TNNI3K: variants seen among roughly 807,000 people sequenced by gnomAD.
TNNI3K encodes the protein serine/threonine-protein kinase TNNI3K.
In TNNI3K, 140 loss-of-function variants were observed where a neutral mutation model predicts 114.5. The observed-to-expected ratio is 1.22, with a 90% CI of 1.07 to 1.41. The LOEUF (loss-of-function observed/expected upper bound fraction) is 1.41. TNNI3K is among the 40% of genes most tolerant of loss of function. The pLI is 0.00. For synonymous variants in TNNI3K, 347 were observed against 347.5 expected (o/e 1.00, Z 0.02); for missense variants, 1,125 against 1,007.6 (o/e 1.12, Z -1.58).
intron 17 of TNNI3K, chr1:74,371,444 T>C (rs1200575449): frequency 6.6e-6 from 1 of 151,808 alleles, no homozygotes; most frequent in Admixed American, 6.6e-5. Flanking sequence ...TACAAAAATT[T>C]CAGGAACAAG....
chr1:74,314,045 T>TTATATA (rs201922658), intron 5 of TNNI3K, among the ~76,000 whole-genome samples: 11 of 6,340 alleles, frequency 1.7e-3, no homozygotes, highest in African/African-American at 2.3e-3. Flanking sequence ...AGAAAGTTCA[T>TTATATA]TATATATATA....
At chr1:74,241,021 T>TG (rs1326029000) in intron 2 of TNNI3K, among the ~76,000 whole-genome samples, 2 of 147,934 alleles carry the variant, frequency 1.4e-5, no homozygotes, top group Non-Finnish European at 3.0e-5. Context: ...GGACATGCGG[T>TG]GTTTGGTTTT....
Position 74,235,455 on chromosome 1 carries a change from G to C in TNNI3K, c.4G>C (p.Gly2Arg). 1 of 1,517,314 alleles carries C rather than the reference G, an allele frequency of 6.6e-7. No homozygotes were observed. Among genetic ancestry groups the C allele is most frequent in the Non-Finnish European group, 9.0e-7 (1 of 1,110,882 alleles). The allele number at this position is 1,517,314 out of a possible 1,614,324, so 94.0% of individuals were successfully genotyped here. M[G>R]NYKSRPTQTC... The stretch of plus-strand genomic sequence containing the variant: ...GAAAGGAAGAAACTTATAATAAATG[G>C]GAAATTATAAATCTAGACCAACCCA... Residue 2 changes from glycine to arginine, a missense_variant, in exon 1 of 25, where the codon GGA becomes CGA. Physicochemically the swap from Gly to Arg is moderately radical, Grantham distance 125. Transcript: ENST00000326637.
At chr1:74,493,783 G>C (rs1669195357) in intron 23 of TNNI3K, among the ~76,000 whole-genome samples, 1 of 152,158 alleles carries the variant, frequency 6.6e-6, no homozygotes, top group Non-Finnish European at 1.5e-5. Flanking sequence ...AGTAACTCAA[G>C]AGGACAAGCC....
At chr1:74,266,714 G>A (rs2100883290) in intron 4 of TNNI3K, among the ~76,000 whole-genome samples, 2 of 152,024 alleles carry the variant, frequency 1.3e-5, no homozygotes, top group South Asian at 4.2e-4. Flanking sequence ...GTGATATAGT[G>A]GTTGCTTATC....
intron 17 of TNNI3K, among the ~76,000 whole-genome samples, chr1:74,413,549 T>C (rs1664985740): frequency 6.6e-6 from 1 of 152,216 alleles, no homozygotes; most frequent in Non-Finnish European, 1.5e-5. Context: ...TGATATCTTC[T>C]GATAAAATGT....
intron 20 of TNNI3K, among the ~76,000 whole-genome samples, chr1:74,445,616 T>TC (rs1181135613): frequency 7.0e-5 from 10 of 142,410 alleles, no homozygotes; most frequent in Admixed American, 2.1e-4. Context: ...TTTTTTCTTT[T>TC]TTTCTTTTTT....
chr1:74,246,582 A>T (rs192302846), intron 2 of TNNI3K, among the ~76,000 whole-genome samples: 2 of 152,212 alleles, frequency 1.3e-5, no homozygotes, highest in Non-Finnish European at 2.9e-5. Context: ...ACCACAAGAA[A>T]AAAAAACAAA....
chr1:74,496,440 G>A (rs781758179), intron 23 of TNNI3K, among the ~76,000 whole-genome samples: 7 of 152,194 alleles, frequency 4.6e-5, no homozygotes, highest in African/African-American at 7.2e-5. Flanking sequence ...ATCAGTACAA[G>A]GTTTTTCCTA....
intron 23 of TNNI3K, among the ~76,000 whole-genome samples, chr1:74,508,287 A>T (rs994369000): frequency 2.0e-5 from 3 of 152,242 alleles, no homozygotes; most frequent in African/African-American, 7.2e-5. Flanking sequence ...TAAAAATAGT[A>T]ATAATAATAG....
Position 74,518,586 on chromosome 1 carries a change from A to G in TNNI3K, c.2352-21648A>G, listed in dbSNP as rs545781970. On this transcript the variant is annotated intron_variant, in intron 23 of 24. Transcript: ENST00000326637. ...GATTCTACTAATCGTGACGAAGCTT[A>G]TGGTTCCCGTGTTTCACCTGATGCC... 7.2e-4 allele frequency among the ~76,000 whole-genome samples: 110 copies of G among 152,250 alleles called. 1 individual carries two copies. Among genetic ancestry groups the G allele is most frequent in the African/African-American group, 2.5e-3 (103 of 41,566 alleles).
Position 74,369,210 on chromosome 1 carries a change from C to G in TNNI3K, c.1418C>G (p.Ser473Cys), listed in dbSNP as rs765252624. Residue 473 changes from serine (S) to cysteine (C), a missense_variant, in exon 15 of 25, where the codon TCT (serine) becomes TGT (cysteine). Coordinates refer to ENST00000326637, the MANE Select transcript of TNNI3K (RefSeq NM_015978.3). ...TATTTATTTTAAACAATTGTAGGTT[C>G]TTTTGGGAAAGTATATAAAGGACGA... ...IEFHEIIGSGSFGKVYKGRCR... is the reference protein window; with the variant it reads ...IEFHEIIGSGCFGKVYKGRCR... The G allele has an allele frequency of 6.2e-7, 1 of 1,609,772 alleles. No homozygotes were observed. The highest frequency in any genetic ancestry group is 8.5e-7 in the Non-Finnish European group (1 of 1,178,422).
At chr1:74,243,438 A>C (rs1426515382) in intron 2 of TNNI3K, among the ~76,000 whole-genome samples, 1 of 152,182 alleles carries the variant, frequency 6.6e-6, no homozygotes, top group Non-Finnish European at 1.5e-5. Flanking sequence ...CAACCCATAA[A>C]AAATCCTTAC....
intron 23 of TNNI3K, among the ~76,000 whole-genome samples, chr1:74,523,187 A>AC (rs1646457871): frequency 1.3e-5 from 2 of 152,222 alleles, no homozygotes; most frequent in South Asian, 4.1e-4. Flanking sequence ...TAATACCGAT[A>AC]CCACACAGTT....
At chr1:74,452,594 T>C (rs1378214642) in intron 20 of TNNI3K, among the ~76,000 whole-genome samples, 1 of 152,202 alleles carries the variant, frequency 6.6e-6, no homozygotes, top group Non-Finnish European at 1.5e-5. Context: ...TTAAATAGTA[T>C]CCTGCCTTCA....
intron 5 of TNNI3K, among the ~76,000 whole-genome samples, chr1:74,295,318 G>T (rs1433075355): frequency 6.6e-6 from 1 of 152,004 alleles, no homozygotes. Flanking sequence ...CTGCATACAT[G>T]AAAAATATGT....
intron 5 of TNNI3K, among the ~76,000 whole-genome samples, chr1:74,295,620 A>T (rs1445593151): frequency 2.0e-5 from 3 of 152,002 alleles, no homozygotes; most frequent in Non-Finnish European, 4.4e-5. Context: ...ATCTTTAGTA[A>T]TTCTCTTCAC....
intron 5 of TNNI3K, among the ~76,000 whole-genome samples, chr1:74,298,653 T>A (rs1338457564): frequency 6.6e-6 from 1 of 152,068 alleles, no homozygotes; most frequent in Admixed American, 6.5e-5. Flanking sequence ...ACTTTATACT[T>A]AATAAGTTTG....
chr1:74,351,475 G>A (rs1570504647), intron 9 of TNNI3K, among the ~76,000 whole-genome samples: 1 of 152,020 alleles, frequency 6.6e-6, no homozygotes, highest in Admixed American at 6.6e-5. Context: ...GAGTATCTTT[G>A]TGGCGTTCTC....
Sources: allele counts gnomAD v4.1 joint callset (sites outside exome capture counted in the v4.1 genomes callset), GRCh38; gene constraint gnomAD v4.1.1; transcripts MANE v1.5; gene names NCBI Gene and HGNC (gene_info 2026-07-23, HGNC 2026-07-21).